The following DGKI variants were observed in gnomAD, a reference collection of about 807,000 sequenced individuals.
DGKI encodes the protein diacylglycerol kinase iota, also known as DAG kinase iota.
A neutral mutation model predicts 147.5 loss-of-function variants in DGKI; 55 were observed. That is an observed-to-expected ratio of 0.37 (90% CI 0.30 to 0.47). DGKI has a LOEUF of 0.47. Ranked by LOEUF, DGKI falls within the 20% of genes least tolerant of loss-of-function variation. The pLI is 1.00. For synonymous variants in DGKI, 469 were observed against 477.1 expected (o/e 0.98, Z 0.22); for missense variants, 1,007 against 1,323.8 (o/e 0.76, Z 3.71).
At chr7:137,636,474 C>A (rs1191687521) in intron 6 of DGKI, among the ~76,000 whole-genome samples, 2 of 152,124 alleles carry the variant, frequency 1.3e-5, no homozygotes, top group African/African-American at 4.8e-5. Flanking sequence ...CTGAGTAGCA[C>A]CAGGAATGGA....
At chr7:137,400,434 A>T (rs1425122314) in intron 30 of DGKI, among the ~76,000 whole-genome samples, 1 of 152,204 alleles carries the variant, frequency 6.6e-6, no homozygotes, top group Admixed American at 6.5e-5. Context: ...GAGCCATGCC[A>T]CGGTGAGTCC....
intron 28 of DGKI, among the ~76,000 whole-genome samples, chr7:137,425,791 G>A (rs1812777173): frequency 6.6e-6 from 1 of 152,214 alleles, no homozygotes; most frequent in African/African-American, 2.4e-5. Flanking sequence ...CTGGAAGAAA[G>A]GGTATCAGTG....
chr7:137,706,535 A>G (rs1794034556), intron 1 of DGKI, among the ~76,000 whole-genome samples: 1 of 146,746 alleles, frequency 6.8e-6, no homozygotes, highest in Non-Finnish European at 1.5e-5. Flanking sequence ...ATTTCATTTT[A>G]TTTCATTTTA....
intron 1 of DGKI, among the ~76,000 whole-genome samples, chr7:137,793,927 C>T (rs1049832585): frequency 6.6e-6 from 1 of 152,160 alleles, no homozygotes; most frequent in African/African-American, 2.4e-5. Context: ...AAACTCCTAC[C>T]AAGTTTTCAA....
intron 17 of DGKI, among the ~76,000 whole-genome samples, chr7:137,573,729 T>G (rs911753356): frequency 1.3e-5 from 2 of 152,194 alleles, no homozygotes; most frequent in African/African-American, 4.8e-5. Context: ...CTTCTAAGAT[T>G]CACTGTCTTC....
chr7:137,484,139 G>A lies in DGKI; in HGVS notation c.2373+1235C>T, dbSNP rs577284774. Among the ~76,000 whole-genome samples, 39 of 152,166 alleles carry A rather than the reference G, an allele frequency of 2.6e-4. 1 individual carries two copies. The South Asian group carries it at 7.7e-3, about 30-fold the overall frequency. On this transcript the variant is annotated intron_variant, in intron 23 of 32. Transcript: ENST00000614521. ...GAACTCTGGAAGTGTGGGATACGTT[G>A]TTTGAGAAATAAATACACAAATAAG...
chr7:137,405,601 T>C (rs76949369), intron 30 of DGKI, among the ~76,000 whole-genome samples: 1 of 152,154 alleles, frequency 6.6e-6, no homozygotes, highest in Non-Finnish European at 1.5e-5. Flanking sequence ...CATCAAACAG[T>C]GGAATCTGTT....
At chr7:137,575,998 T>C (rs781579792) in intron 17 of DGKI, among the ~76,000 whole-genome samples, 2 of 152,022 alleles carry the variant, frequency 1.3e-5, no homozygotes, top group Non-Finnish European at 2.9e-5. Context: ...TTCATGTATA[T>C]ATTTTGTTCT....
intron 30 of DGKI, among the ~76,000 whole-genome samples, chr7:137,399,150 A>G (rs1811658759): frequency 6.6e-6 from 1 of 152,114 alleles, no homozygotes; most frequent in Non-Finnish European, 1.5e-5. Context: ...GTCCTCTCAA[A>G]AGATGACCTT....
At position 137,657,893 on chromosome 7, in the gene DGKI, A is replaced by G. The variant is rs548340432; in HGVS notation, c.607-1353T>C. On this transcript the variant is annotated intron_variant, in intron 3 of 32. Transcript: ENST00000614521. ...TCTTGGACAGCTGCATTCATTCAACATGGGGTATTTACACATTATCAGCCA... is the reference window on the plus strand; with the variant it reads ...TCTTGGACAGCTGCATTCATTCAACGTGGGGTATTTACACATTATCAGCCA... Among the ~76,000 whole-genome samples the G allele has an allele frequency of 4.8e-4, 73 of 152,342 alleles. 1 individual carries two copies. The highest frequency in any genetic ancestry group is 1.4e-3 in the African/African-American group (57 of 41,578).
chr7:137,678,454 G>T (rs1585361442), intron 3 of DGKI, 103 bp downstream of exon 3: 1 of 1,095,056 alleles, frequency 9.1e-7, no homozygotes, highest in East Asian at 2.4e-5. Flanking sequence ...CATCTCACAA[G>T]GACAGGCTCG....
intron 19 of DGKI, among the ~76,000 whole-genome samples, chr7:137,561,720 T>TA (rs1483511699): frequency 2.0e-5 from 3 of 151,508 alleles, no homozygotes; most frequent in East Asian, 2.0e-4. Flanking sequence ...TTTTGATTTT[T>TA]AAAAAAACAA....
At chr7:137,670,386 A>G (rs971680885) in intron 3 of DGKI, among the ~76,000 whole-genome samples, 2 of 152,174 alleles carry the variant, frequency 1.3e-5, no homozygotes, top group Non-Finnish European at 2.9e-5. Flanking sequence ...AACGATCCCC[A>G]TGACAGTTGT....
At chr7:137,747,913 A>G (rs761163312) in intron 1 of DGKI, among the ~76,000 whole-genome samples, 1 of 152,246 alleles carries the variant, frequency 6.6e-6, no homozygotes, top group Non-Finnish European at 1.5e-5. Context: ...AGGACTTGTT[A>G]TGGCAACACA....
rs372020004 is a variant in DGKI, at chr7:137,583,854, A to G, written c.1563+1355T>C. On this transcript the variant is annotated intron_variant, in intron 14 of 32. Coordinates refer to ENST00000614521, the MANE Select transcript of DGKI (RefSeq NM_001321708.2). ...CAAGATGACACTTGTTGTTTAAACAACATTGTGACATTATAAACTTGAATT... is the reference window on the plus strand; with the variant it reads ...CAAGATGACACTTGTTGTTTAAACAGCATTGTGACATTATAAACTTGAATT... Among the ~76,000 whole-genome samples, 16 of 152,294 alleles carry G rather than the reference A, an allele frequency of 1.1e-4. No individual in the cohort carries two copies. The South Asian group carries it at 3.1e-3, about 30-fold the overall frequency.
At chr7:137,632,585 A>G (rs926031063) in intron 6 of DGKI, among the ~76,000 whole-genome samples, 28 of 152,220 alleles carry the variant, frequency 1.8e-4, no homozygotes, top group Middle Eastern at 3.4e-3. Context: ...CAGGCCGGGC[A>G]TGGTGGCTCA....
chr7:137,635,519 G>A (rs1253476097), intron 6 of DGKI, among the ~76,000 whole-genome samples: 3 of 152,120 alleles, frequency 2.0e-5, no homozygotes, highest in African/African-American at 4.8e-5. Flanking sequence ...TGTGACCCAC[G>A]AACATAGGAT....
chr7:137,461,147 TG>T (rs1451722533), intron 27 of DGKI, among the ~76,000 whole-genome samples: 4 of 152,236 alleles, frequency 2.6e-5, no homozygotes, highest in Non-Finnish European at 5.9e-5. Context: ...TCTGTGGCTC[TG>T]GTACGCTGAC....
chr7:137,846,015 C>A lies in DGKI; in HGVS notation c.401+447G>T, dbSNP rs1798704444. 6.6e-6 allele frequency among the ~76,000 whole-genome samples: 1 copy of A among 152,050 alleles called. No homozygotes were observed. Among genetic ancestry groups the A allele is most frequent in the Non-Finnish European group, 1.5e-5 (1 of 68,028 alleles). On this transcript the variant is annotated intron_variant, in intron 1 of 32. Coordinates refer to ENST00000614521, the MANE Select transcript of DGKI (RefSeq NM_001321708.2). This position sits in a 1 kb window ranked among gnomAD's most constrained non-coding sequence, Gnocchi z 4.0. The stretch of plus-strand genomic sequence containing the variant: ...AAGTTAGTGCCAAAGGTTCATCCAG[C>A]GAAATCTGGAAGGTGGGGGAAGGGT...
Sources: allele counts gnomAD v4.1 joint callset (sites outside exome capture counted in the v4.1 genomes callset), GRCh38; gene constraint gnomAD v4.1.1; non-coding constraint Gnocchi (gnomAD v3.1); transcripts MANE v1.5; gene names NCBI Gene and HGNC (gene_info 2026-07-23, HGNC 2026-07-21).